EHMT1: variants seen among roughly 807,000 people sequenced by gnomAD.
The protein encoded by EHMT1 is euchromatic histone lysine methyltransferase 1, also known as histone-lysine N-methyltransferase EHMT1.
Under a neutral mutation model 147.2 loss-of-function variants are expected in EHMT1, and 15 were observed. The observed-to-expected ratio is 0.10, with a 90% CI of 0.07 to 0.16. EHMT1 has a LOEUF of 0.16. EHMT1 is among the 10% of genes least tolerant of loss of function. The pLI, the probability that EHMT1 is intolerant of heterozygous loss-of-function variation, is 1.00. For missense variants in EHMT1, 1,587 were observed against 1,772.4 expected, an observed-to-expected ratio of 0.90 and a Z score of 1.88; for synonymous variants, 795 against 709.6, an observed-to-expected ratio of 1.12 and a Z score of -1.91.
chr9:137,683,694 T>A (rs1942177395), intron 1 of EHMT1, among the ~76,000 whole-genome samples: 3 of 152,214 alleles, frequency 2.0e-5, no homozygotes, highest in Admixed American at 2.0e-4. Flanking sequence ...TATCAGCGTA[T>A]TTGCACAGAA....
chr9:137,786,679 C>T lies in EHMT1; in HGVS notation c.2383-4169C>T, dbSNP rs139903405. The T allele has an allele frequency of 4.7e-4, 73 of 154,144 alleles. No individual in the cohort carries two copies. The East Asian group carries it at 0.011, about 23-fold the overall frequency. 9.5% of individuals were successfully genotyped at this position (154,144 alleles called of 1,614,324 possible). A position where few individuals can be genotyped will look rare whatever the true frequency, so the allele number is the denominator to read the frequency against. ...GTGGCGTCATCTCTCCCTCCGGCTCCGGTCTTGGTCTCATGTGGTGTCATC... is the reference window on the plus strand; with the variant it reads ...GTGGCGTCATCTCTCCCTCCGGCTCTGGTCTTGGTCTCATGTGGTGTCATC... On this transcript the variant is annotated intron_variant, in intron 15 of 26. Transcript: ENST00000460843. This position sits in a 1 kb window ranked among gnomAD's most constrained non-coding sequence, Gnocchi z 4.3.
At chr9:137,829,165 C>CT (rs1956028961) in intron 25 of EHMT1, among the ~76,000 whole-genome samples, 1 of 152,222 alleles carries the variant, frequency 6.6e-6, no homozygotes, top group Non-Finnish European at 1.5e-5. Context: ...TGCGGCAGCA[C>CT]TTTCTCCACA....
intron 15 of EHMT1, among the ~76,000 whole-genome samples, chr9:137,789,478 G>A (rs1421695077): frequency 2.0e-5 from 3 of 152,168 alleles, no homozygotes; most frequent in Non-Finnish European, 4.4e-5. Flanking sequence ...GTTTTTTTAA[G>A]CTTACTATTC....
intron 1 of EHMT1, among the ~76,000 whole-genome samples, chr9:137,678,102 A>G (rs920613046): frequency 1.3e-5 from 2 of 152,188 alleles, no homozygotes; most frequent in African/African-American, 4.8e-5. Flanking sequence ...TGTTGTCAAA[A>G]TCTTAATCAG....
In EHMT1 at chr9:137,711,715, C is replaced by T. The variant is rs975196985; in HGVS notation, c.85+685C>T. Among the ~76,000 whole-genome samples, 7 of 152,232 alleles carry T rather than the reference C, an allele frequency of 4.6e-5. No individual in the cohort carries two copies. In the East Asian group the frequency reaches 1.2e-3, roughly 25 times the overall value. On this transcript the variant is annotated intron_variant, in intron 2 of 26. Transcript: ENST00000460843. ...ATAGGGTTCGGATGTTCTTGGAGAG[C>T]CTGCACCACCAAGAGCGCCCCCAGG...
intron 1 of EHMT1, among the ~76,000 whole-genome samples, chr9:137,637,333 G>GC (rs1844159354): frequency 6.6e-6 from 1 of 151,666 alleles, no homozygotes; most frequent in Admixed American, 6.6e-5. Context: ...GCTCCACCAT[G>GC]CCAGGCTAAT....
At chr9:137,699,136 C>T (rs776859108) in intron 1 of EHMT1, among the ~76,000 whole-genome samples, 32 of 152,146 alleles carry the variant, frequency 2.1e-4, no homozygotes, top group Non-Finnish European at 4.3e-4. Flanking sequence ...AGGCGCGCTG[C>T]CGTCTTCTCT....
At chr9:137,770,132 C>T (rs9314640) in intron 10 of EHMT1, among the ~76,000 whole-genome samples, 17,065 of 152,164 alleles carry the variant, frequency 0.11, 2,072 homozygotes, top group African/African-American at 0.31. Context: ...TCACTGTGCC[C>T]GGCCCACTTT....
chr9:137,799,183 A>G (rs372251110), intron 17 of EHMT1, among the ~76,000 whole-genome samples: 1 of 149,518 alleles, frequency 6.7e-6, no homozygotes. Context: ...CGCCTTCCAC[A>G]CACAGGGTTA....
intron 16 of EHMT1, among the ~76,000 whole-genome samples, chr9:137,791,552 A>G (rs979961659): frequency 1.3e-5 from 2 of 152,208 alleles, no homozygotes; most frequent in African/African-American, 4.8e-5. Context: ...AGTTTAACCA[A>G]GAAGACAAAA....
intron 1 of EHMT1, among the ~76,000 whole-genome samples, chr9:137,670,337 C>A (rs1940429876): frequency 6.6e-6 from 1 of 152,130 alleles, no homozygotes; most frequent in Admixed American, 6.5e-5. Context: ...CAAAACCATC[C>A]TGGTTAAGGT....
chr9:137,816,140 C>A, intron 23 of EHMT1, 78 bp downstream of exon 23: 1 of 1,351,644 alleles, frequency 7.4e-7, no homozygotes, highest in Non-Finnish European at 1.0e-6. Flanking sequence ...CCCCGACAGA[C>A]AAGAACTTAA....
At position 137,715,419 on chromosome 9, in the gene EHMT1, CAG is replaced by C. The variant is rs549025809; in HGVS notation, c.86-1206_86-1205del. ...TGCTCAGGGTACACTGGTAAACAGA[CAG>C]GGCATTTGCGCTCATAGGACTTAAC... is the stretch of plus-strand genomic sequence containing the variant. On this transcript the variant is annotated intron_variant, in intron 2 of 26. Coordinates refer to ENST00000460843, the MANE Select transcript of EHMT1 (RefSeq NM_024757.5). 1.6e-4 allele frequency: 62 copies of C among 397,790 alleles called. 1 individual carries two copies. The South Asian group carries it at 5.6e-3, about 36-fold the overall frequency. 24.6% of individuals were successfully genotyped at this position (397,790 alleles called of 1,614,324 possible). A position where few individuals can be genotyped will look rare whatever the true frequency, so the allele number is the denominator to read the frequency against.
chr9:137,727,333 G>A (rs113187308), intron 3 of EHMT1, among the ~76,000 whole-genome samples: 136 of 152,062 alleles, frequency 8.9e-4, no homozygotes, highest in African/African-American at 3.0e-3. Context: ...TTCTTCTGTT[G>A]CCTGTACTTT....
Position 137,619,065 on chromosome 9 carries a change from GGCGGGGGGCGGC to G in EHMT1, c.21+24_21+35del. The G allele has an allele frequency of 1.1e-6, 1 of 880,438 alleles. No individual in the cohort carries two copies. The highest frequency in any genetic ancestry group is 1.4e-6 in the Non-Finnish European group (1 of 736,668). The allele number at this position is 880,438 out of a possible 1,614,324, so 54.5% of individuals were successfully genotyped here. Reference sequence around the variant, plus strand: ...CGATGCCGAGGTGAGCAGCGGGGCCGGCGGGGGGCGGCGCGGGGGCGGCGGGCAGCGGCGGAG... The same window carrying G: ...CGATGCCGAGGTGAGCAGCGGGGCCGGCGGGGGCGGCGGGCAGCGGCGGAG... On this transcript the variant is annotated intron_variant, in intron 1 of 26. Coordinates refer to ENST00000460843, the MANE Select transcript of EHMT1 (RefSeq NM_024757.5).
chr9:137,673,571 C>G (rs538860437), intron 1 of EHMT1, among the ~76,000 whole-genome samples: 1 of 152,248 alleles, frequency 6.6e-6, no homozygotes, highest in South Asian at 2.1e-4. Context: ...GAGGTCATGT[C>G]TGTGTCCCTC....
chr9:137,698,005 C>T (rs1211131364), intron 1 of EHMT1, among the ~76,000 whole-genome samples: 10 of 148,914 alleles, frequency 6.7e-5, no homozygotes, highest in South Asian at 2.1e-4. Context: ...CGTGTGAGGG[C>T]GGTGTGGCTC....
At position 137,653,775 on chromosome 9, in the gene EHMT1, C is replaced by T. The variant is rs1284198269; in HGVS notation, c.21+34726C>T. Among the ~76,000 whole-genome samples, 4 of 152,096 alleles carry T rather than the reference C, an allele frequency of 2.6e-5. 1 individual carries two copies. Among genetic ancestry groups the T allele is most frequent in the Non-Finnish European group, 5.9e-5 (4 of 68,018 alleles). On this transcript the variant is annotated intron_variant, in intron 1 of 26. Coordinates refer to ENST00000460843, the MANE Select transcript of EHMT1 (RefSeq NM_024757.5). ...ACTCCCGACCCTGATCCGCCTGCCT[C>T]GGCCTCCCAAAGTCCTGGGATTACA...
intron 3 of EHMT1, among the ~76,000 whole-genome samples, chr9:137,721,979 A>AT (rs398069071): frequency 0.063 from 8,880 of 140,912 alleles, 793 homozygotes; most frequent in African/African-American, 0.2. Flanking sequence ...AATTTCTCTA[A>AT]TTTTTTTTTT....
Sources: gnomAD v4.1 joint callset for allele counts (sites outside exome capture counted in the v4.1 genomes callset) on GRCh38, gnomAD v4.1.1 for gene constraint, Gnocchi (gnomAD v3.1) non-coding constraint, MANE v1.5 for transcripts, NCBI Gene and HGNC (gene_info 2026-07-23, HGNC 2026-07-21) for gene names.